NEK11: variants seen among roughly 807,000 people sequenced by gnomAD.
NEK11 encodes the protein serine/threonine-protein kinase Nek11.
Under a neutral mutation model 80.7 loss-of-function variants are expected in NEK11, and 72 were observed. That is an observed-to-expected ratio of 0.89 (90% CI 0.74 to 1.08). The LOEUF is 1.08. Among genes scored for constraint, NEK11 ranks in the 50% least tolerant of loss-of-function variants. NEK11 has a pLI of 0.00. For missense variants in NEK11, 764 were observed against 763.6 expected (o/e 1.00, Z -0.01); for synonymous variants, 251 against 260.7 (o/e 0.96, Z 0.36).
chr3:131,347,545 AAATG>A (rs1173638985), intron 17 of NEK11, among the ~76,000 whole-genome samples: 2 of 152,228 alleles, frequency 1.3e-5, no homozygotes, highest in Non-Finnish European at 2.9e-5. Context: ...AAAGCTTATA[AAATG>A]AATGAGTCTG....
At chr3:131,177,846 TC>T (rs1221488795) in intron 14 of NEK11, among the ~76,000 whole-genome samples, 4 of 152,232 alleles carry the variant, frequency 2.6e-5, no homozygotes, top group Admixed American at 2.0e-4. Flanking sequence ...GTGAATACAG[TC>T]ATGTACTGCT....
At chr3:131,159,872 A>G (rs2091303256) in intron 10 of NEK11, among the ~76,000 whole-genome samples, 2 of 152,322 alleles carry the variant, frequency 1.3e-5, no homozygotes, top group South Asian at 4.1e-4. Flanking sequence ...GTCAGGGAAG[A>G]ATAGAGAAAA....
intron 12 of NEK11, among the ~76,000 whole-genome samples, chr3:131,167,501 C>T (rs1443941573): frequency 1.3e-5 from 2 of 152,148 alleles, no homozygotes; most frequent in Non-Finnish European, 2.9e-5. Context: ...TTCAAGATCA[C>T]CATGTTTGTG....
intron 17 of NEK11, among the ~76,000 whole-genome samples, chr3:131,302,718 C>A (rs540341687): frequency 6.6e-6 from 1 of 151,876 alleles, no homozygotes; most frequent in Admixed American, 6.6e-5. Flanking sequence ...GAGCTTGGTT[C>A]GTATGATTTC....
chr3:131,186,020 G>A (rs1448568027), intron 14 of NEK11, among the ~76,000 whole-genome samples: 1 of 152,136 alleles, frequency 6.6e-6, no homozygotes, highest in East Asian at 1.9e-4. Flanking sequence ...GAACAAATAA[G>A]ATGATACACA....
At position 131,029,621 on chromosome 3, in the gene NEK11, C is replaced by A; in HGVS notation, c.-88C>A. 1 of 1,301,566 alleles carries A rather than the reference C, an allele frequency of 7.7e-7. No homozygotes were observed. Among genetic ancestry groups the A allele is most frequent in the Non-Finnish European group, 1.1e-6 (1 of 925,018 alleles). The allele number at this position is 1,301,566 out of a possible 1,614,324, so 80.6% of individuals were successfully genotyped here. On this transcript the variant is annotated 5_prime_UTR_variant, in exon 3 of 18. Coordinates refer to ENST00000383366, the MANE Select transcript of NEK11 (RefSeq NM_024800.5). ...AACTTTTCATCTTTAAGGAACTGAC[C>A]AACACTGGATGAATTTGACCATTTC...
intron 5 of NEK11, among the ~76,000 whole-genome samples, chr3:131,127,510 A>G (rs1471915361): frequency 6.6e-6 from 1 of 151,226 alleles, no homozygotes; most frequent in East Asian, 1.9e-4. Context: ...TAGAAAATAT[A>G]TAGAATCTAG....
chr3:131,072,277 C>T (rs192505787), intron 3 of NEK11: 1 of 152,322 alleles, frequency 6.6e-6, no homozygotes, highest in East Asian at 1.9e-4. Flanking sequence ...CTTCATGGCT[C>T]CAGCTGGCTG....
At chr3:131,134,792 C>A (rs1286658968) in intron 7 of NEK11, among the ~76,000 whole-genome samples, 1 of 152,180 alleles carries the variant, frequency 6.6e-6, no homozygotes, top group Non-Finnish European at 1.5e-5. Flanking sequence ...AAAGGAATTT[C>A]TCCTTCCTTG....
chr3:131,196,348 A>G (rs1239636493), intron 14 of NEK11, among the ~76,000 whole-genome samples: 1 of 152,140 alleles, frequency 6.6e-6, no homozygotes, highest in Non-Finnish European at 1.5e-5. Context: ...TGTATAACAC[A>G]CACAAAAATA....
intron 14 of NEK11, among the ~76,000 whole-genome samples, chr3:131,180,960 T>C (rs1440992479): frequency 2.0e-5 from 3 of 152,224 alleles, no homozygotes; most frequent in African/African-American, 7.2e-5. Flanking sequence ...ACAGTCTTTC[T>C]TAGCTCCTCA....
chr3:131,273,576 T>C lies in NEK11; in HGVS notation c.1718+2T>C, dbSNP rs2096240023. On this transcript the variant is annotated splice_donor_variant, in intron 17 of 17. Transcript: ENST00000383366. LOFTEE classifies it high-confidence loss of function. ...GACCAAGATGAAACGCATGAGGGAG[T>C]AAGTAGCATGTTGCCTGCCCCCTAG... is the stretch of plus-strand genomic sequence containing the variant. 1.7e-5 allele frequency: 28 copies of C among 1,610,704 alleles called. No homozygotes were observed. The highest frequency in any genetic ancestry group is 2.7e-5 in the African/African-American group (2 of 74,690).
chr3:131,180,441 G>A (rs1374202872), intron 14 of NEK11, among the ~76,000 whole-genome samples: 2 of 151,982 alleles, frequency 1.3e-5, no homozygotes, highest in Non-Finnish European at 1.5e-5. Context: ...ATATTGACTT[G>A]TACCAAAATG....
At chr3:131,254,644 G>C (rs1034563875) in intron 16 of NEK11, among the ~76,000 whole-genome samples, 1 of 152,176 alleles carries the variant, frequency 6.6e-6, no homozygotes, top group African/African-American at 2.4e-5. Flanking sequence ...ACAACATCCA[G>C]TTTGGATGTA....
chr3:131,047,637 T>A (rs895296082), intron 3 of NEK11, among the ~76,000 whole-genome samples: 1 of 152,184 alleles, frequency 6.6e-6, no homozygotes, highest in Non-Finnish European at 1.5e-5. Flanking sequence ...CCATCTTCAG[T>A]CTCTCAGCCC....
chr3:131,070,902 A>G (rs1271257576), intron 3 of NEK11, among the ~76,000 whole-genome samples: 3 of 152,170 alleles, frequency 2.0e-5, no homozygotes, highest in East Asian at 1.9e-4. Flanking sequence ...CAGGACTTCA[A>G]TTGATTGAGG....
intron 4 of NEK11, among the ~76,000 whole-genome samples, chr3:131,084,140 C>T (rs1161972906): frequency 6.6e-6 from 1 of 152,142 alleles, no homozygotes; most frequent in Non-Finnish European, 1.5e-5. Context: ...TCACTCCCCA[C>T]CCCAATCCCA....
chr3:131,268,844 T>C (rs2096117951), intron 16 of NEK11, among the ~76,000 whole-genome samples: 1 of 152,246 alleles, frequency 6.6e-6, no homozygotes, highest in Non-Finnish European at 1.5e-5. Context: ...CAGGGACGTT[T>C]AAGTCTGCTG....
intron 4 of NEK11, among the ~76,000 whole-genome samples, chr3:131,105,507 G>T (rs192493584): frequency 6.6e-6 from 1 of 152,204 alleles, no homozygotes; most frequent in Non-Finnish European, 1.5e-5. Flanking sequence ...AAGGAAAGAG[G>T]TTTAATTGAC....
Sources: allele counts gnomAD v4.1 joint callset (sites outside exome capture counted in the v4.1 genomes callset), GRCh38; gene constraint gnomAD v4.1.1; transcripts MANE v1.5; gene names NCBI Gene and HGNC (gene_info 2026-07-23, HGNC 2026-07-21).